Variants in PTPRT observed in about 807,000 individuals in gnomAD.
The protein encoded by PTPRT is receptor-type tyrosine-protein phosphatase T.
A neutral mutation model predicts 176.8 loss-of-function variants in PTPRT; 56 were observed. The observed-to-expected ratio is 0.32, with a 90% CI of 0.26 to 0.40. PTPRT has a LOEUF of 0.40. Among genes scored for constraint, PTPRT ranks in the 10% least tolerant of loss-of-function variants. PTPRT has a pLI of 1.00. For synonymous variants in PTPRT, 783 were observed against 739.0 expected (o/e 1.06, Z -0.96); for missense variants, 1,540 against 1,908.2 (o/e 0.81, Z 3.60).
chr20:42,238,397 C>A (rs781216407), intron 14 of PTPRT, among the ~76,000 whole-genome samples: 11 of 152,082 alleles, frequency 7.2e-5, no homozygotes, highest in Non-Finnish European at 1.6e-4. Flanking sequence ...AACAGTGACC[C>A]TAGATGATGA....
chr20:42,219,125 G>A (rs1360868182), intron 15 of PTPRT, among the ~76,000 whole-genome samples: 2 of 152,176 alleles, frequency 1.3e-5, no homozygotes, highest in Admixed American at 6.5e-5. Flanking sequence ...CTGCGCTCCT[G>A]GGGAAAGCTA....
At chr20:43,069,211 T>G (rs921407972) in intron 1 of PTPRT, among the ~76,000 whole-genome samples, 1 of 152,102 alleles carries the variant, frequency 6.6e-6, no homozygotes, top group African/African-American at 2.4e-5. Flanking sequence ...AGATAGGATG[T>G]CTCTAACACT....
intron 9 of PTPRT, among the ~76,000 whole-genome samples, chr20:42,360,567 T>C (rs2058419253): frequency 6.6e-6 from 1 of 152,246 alleles, no homozygotes. Context: ...ACCTTCTTGT[T>C]TAATGAGTCT....
the PTPRT span, among the ~76,000 whole-genome samples, chr20:42,066,573 T>A: frequency 6.6e-6 from 1 of 152,226 alleles, no homozygotes; most frequent in Non-Finnish European, 1.5e-5. Context: ...ATAATAACTA[T>A]TTTTTAATTT....
chr20:43,107,761 A>G (rs2012678852), intron 1 of PTPRT, among the ~76,000 whole-genome samples: 1 of 152,236 alleles, frequency 6.6e-6, no homozygotes, highest in Admixed American at 6.5e-5. Flanking sequence ...AAAACAATTT[A>G]AAACTCGTAA....
chr20:43,069,940 T>G (rs1021132124), intron 1 of PTPRT, among the ~76,000 whole-genome samples: 3 of 152,182 alleles, frequency 2.0e-5, no homozygotes, highest in Non-Finnish European at 4.4e-5. Context: ...CACGGGCTCC[T>G]ATAAGGCAGG....
intron 11 of PTPRT, among the ~76,000 whole-genome samples, chr20:42,347,410 C>T (rs2058210343): frequency 6.6e-6 from 1 of 152,136 alleles, no homozygotes; most frequent in African/African-American, 2.4e-5. Flanking sequence ...CTCATCTGTC[C>T]AGCCAGTCTA....
intron 7 of PTPRT, among the ~76,000 whole-genome samples, chr20:42,543,075 G>A (rs1016079471): frequency 3.3e-5 from 5 of 152,314 alleles, no homozygotes; most frequent in East Asian, 1.9e-4. Context: ...ACTGATCAGC[G>A]TGCTGGTTGC....
intron 9 of PTPRT, among the ~76,000 whole-genome samples, chr20:42,420,307 TATC>T (rs1268852745): frequency 6.6e-6 from 1 of 152,142 alleles, no homozygotes. Context: ...AGTTTGGGGT[TATC>T]ATGAAAAAGG....
At chr20:42,452,267 C>CA (rs200511615) in intron 8 of PTPRT, among the ~76,000 whole-genome samples, 3,431 of 117,978 alleles carry the variant, frequency 0.029, 55 homozygotes, top group Non-Finnish European at 0.035. Context: ...GACTCCATCT[C>CA]AAAAAAAAAA....
intron 1 of PTPRT, among the ~76,000 whole-genome samples, chr20:42,973,291 G>A (rs1555811388): frequency 6.6e-6 from 1 of 151,720 alleles, no homozygotes; most frequent in Non-Finnish European, 1.5e-5. Context: ...TTTTGGGGAG[G>A]AAAAAAAACC....
intron 1 of PTPRT, among the ~76,000 whole-genome samples, chr20:42,907,321 A>G (rs1468203702): frequency 6.6e-6 from 1 of 152,236 alleles, no homozygotes; most frequent in Non-Finnish European, 1.5e-5. Flanking sequence ...ATTAGGAGAC[A>G]GATCCGTGTG....
chr20:43,045,766 C>A (rs937808296), intron 1 of PTPRT, among the ~76,000 whole-genome samples: 1 of 151,940 alleles, frequency 6.6e-6, no homozygotes, highest in African/African-American at 2.4e-5. Flanking sequence ...CCTGGACAAT[C>A]CCTACCCTTT....
chr20:42,613,215 G>T (rs1000400715), intron 7 of PTPRT, among the ~76,000 whole-genome samples: 17 of 152,190 alleles, frequency 1.1e-4, no homozygotes, highest in African/African-American at 3.1e-4. Flanking sequence ...ATGGCTTTCT[G>T]GCAGTGAGCA....
intron 9 of PTPRT, among the ~76,000 whole-genome samples, chr20:42,434,216 TAACA>T (rs2145811145): frequency 6.6e-6 from 1 of 152,332 alleles, no homozygotes; most frequent in South Asian, 2.1e-4. Flanking sequence ...ATATTGTCAC[TAACA>T]TTTAATGAAA....
At chr20:42,129,051 C>T (rs754989255) in intron 18 of PTPRT, among the ~76,000 whole-genome samples, 66 of 152,132 alleles carry the variant, frequency 4.3e-4, no homozygotes, top group African/African-American at 3.4e-4. Context: ...CTTCTGATTT[C>T]GTCATTACCT....
intron 7 of PTPRT, among the ~76,000 whole-genome samples, chr20:42,559,920 T>C (rs2072923944): frequency 6.6e-6 from 1 of 152,222 alleles, no homozygotes; most frequent in South Asian, 2.1e-4. Flanking sequence ...TGAAAATCCA[T>C]ATTTCAGCAG....
At chr20:42,829,070 C>T (rs1282975162) in intron 2 of PTPRT, among the ~76,000 whole-genome samples, 1 of 152,176 alleles carries the variant, frequency 6.6e-6, no homozygotes, top group African/African-American at 2.4e-5. Flanking sequence ...AGAAGGGGGG[C>T]TATACCATGC....
At chr20:42,397,287 G>A (rs1417483822) in intron 9 of PTPRT, among the ~76,000 whole-genome samples, 1 of 152,196 alleles carries the variant, frequency 6.6e-6, no homozygotes, top group Non-Finnish European at 1.5e-5. Flanking sequence ...AATAGTTACT[G>A]GATATGTAAT....
Sources: allele counts gnomAD v4.1 joint callset (sites outside exome capture counted in the v4.1 genomes callset), GRCh38; gene constraint gnomAD v4.1.1; transcripts MANE v1.5; gene names NCBI Gene and HGNC (gene_info 2026-07-23, HGNC 2026-07-21).